The following FXYD3 variants were observed in gnomAD, a reference collection of about 807,000 sequenced individuals.
The protein encoded by FXYD3 is FXYD domain-containing ion transport regulator 3.
FXYD3 carries 13 observed loss-of-function variants against 19.2 expected under a neutral mutation model. The ratio of observed to expected loss-of-function variants is 0.68; its 90% CI spans 0.44 to 1.08. The LOEUF is 1.08. Among genes scored for constraint, FXYD3 ranks in the 50% least tolerant of loss-of-function variants. The pLI is 0.00. For missense variants in FXYD3, 101 were observed against 109.4 expected, an observed-to-expected ratio of 0.92 and a Z score of 0.34; for synonymous variants, 48 against 38.9, an observed-to-expected ratio of 1.23 and a Z score of -0.87.
intron 5 of FXYD3, chr19:35,121,902 C>T (rs2065051090): frequency 6.5e-6 from 1 of 153,318 alleles, no homozygotes; most frequent in African/African-American, 2.4e-5. Context: ...GTAATCATAG[C>T]TCACTGCAGC....
chr19:35,117,726 A>G (rs1226048151), intron 2 of FXYD3, among the ~76,000 whole-genome samples: 1 of 112,386 alleles, frequency 8.9e-6, no homozygotes, highest in African/African-American at 3.4e-5. Context: ...GGCCTCAGTA[A>G]TGCTCCCCAA....
intron 3 of FXYD3, among the ~76,000 whole-genome samples, chr19:35,120,345 G>C (rs1015163401): frequency 6.6e-6 from 1 of 152,044 alleles, no homozygotes; most frequent in Admixed American, 6.5e-5. Context: ...TCACCATATT[G>C]GCCAGGCTGG....
chr19:35,121,631 C>A, intron 5 of FXYD3: 2 of 911,092 alleles, frequency 2.2e-6, no homozygotes, highest in Non-Finnish European at 2.9e-6. Flanking sequence ...GCCCTCACCT[C>A]TCCACGCTCC....
At chr19:35,116,447 T>C (rs1007942133) in intron 2 of FXYD3, 88 bp downstream of exon 2, 5 of 985,270 alleles carry the variant, frequency 5.1e-6, no homozygotes, top group African/African-American at 1.7e-5. Flanking sequence ...CCCTGCCCCA[T>C]AGAAGCTTTT....
At chr19:35,117,244 C>A in intron 2 of FXYD3, 1 of 1,478,682 alleles carries the variant, frequency 6.8e-7, no homozygotes, top group South Asian at 1.4e-5. Flanking sequence ...TGGGACTGGA[C>A]GTTGTTTTGC....
At chr19:35,121,048 T>C (rs1407570338) in intron 3 of FXYD3, 30 bp from the exon 4 acceptor site, 1 of 1,611,628 alleles carries the variant, frequency 6.2e-7, no homozygotes, top group South Asian at 1.1e-5. Context: ...GGCATCACCA[T>C]CTCCCCTCCT....
At chr19:35,116,826 G>T (rs1344035826) in intron 2 of FXYD3, 2 of 985,302 alleles carry the variant, frequency 2.0e-6, no homozygotes, top group Non-Finnish European at 2.4e-6. Flanking sequence ...GTGGACTCGG[G>T]GTGTCCAGAC....
At position 35,123,789 on chromosome 19, in the gene FXYD3, C is replaced by T. The variant is rs1480266189; in HGVS notation, c.*332C>T. The T allele has an allele frequency of 9.2e-6, 4 of 437,032 alleles. No individual in the cohort carries two copies. The Middle Eastern group carries it at 1.9e-3, about 212-fold the overall frequency. The allele number at this position is 437,032 out of a possible 1,614,324, so 27.1% of individuals were successfully genotyped here. A position where few individuals can be genotyped will look rare whatever the true frequency, so the allele number is the denominator to read the frequency against. On this transcript the variant is annotated 3_prime_UTR_variant, in exon 9 of 9. Transcript: ENST00000604404. ...TTGGGAAAAGCCCACAGGCCTGTTC[C>T]CTTGTGGCTTGGGACATGGCACAGG...
intron 2 of FXYD3, among the ~76,000 whole-genome samples, chr19:35,117,757 C>CAAAAAAAAAGAAAAAAAAA (rs67977522): frequency 1.5e-5 from 1 of 65,716 alleles, no homozygotes; most frequent in Admixed American, 2.1e-4. Flanking sequence ...TTTCTTCCCG[C>CAAAAAAAAAGAAAAAAAAA]AAAAAAAGGA....
intron 3 of FXYD3, among the ~76,000 whole-genome samples, chr19:35,120,306 A>C (rs541452891): frequency 6.6e-6 from 1 of 152,084 alleles, no homozygotes; most frequent in Non-Finnish European, 1.5e-5. Flanking sequence ...TGCCTGGCTA[A>C]CTTTTGTATT....
chr19:35,122,951 C>A lies in FXYD3; in HGVS notation c.206C>A (p.Ser69Tyr). Residue 69 changes from serine to tyrosine, a missense_variant, in exon 7 of 9, where the codon TCC becomes TAC. Coordinates refer to ENST00000604404, the MANE Select transcript of FXYD3 (RefSeq NM_005971.4). ...TGCAAATGCAAGTTTGGCCAGAAGT[C>A]CGGGTAAGATACTGTTCCGGCATGC... ...AKCKCKFGQK[S>Y]GHHPGETPPL... The A allele has an allele frequency of 6.3e-7, 1 of 1,596,384 alleles. No individual in the cohort carries two copies. Among genetic ancestry groups the A allele is most frequent in the Non-Finnish European group, 8.5e-7 (1 of 1,170,266 alleles).
Position 35,121,122 on chromosome 19 carries a change from T to A in FXYD3, c.73+12T>A. 6.2e-7 allele frequency: 1 copy of A among 1,613,756 alleles called. No homozygotes were observed. The highest frequency in any genetic ancestry group is 8.5e-7 in the Non-Finnish European group (1 of 1,180,036). ...CAATGACCTAGAAGGTGAGTCAGAC[T>A]GGACTCTCACCCGTCACACCCCCAA... On this transcript the variant is annotated intron_variant, in intron 4 of 8. Transcript: ENST00000604404.
chr19:35,121,162 G>T (rs754708508), intron 4 of FXYD3, 52 bp downstream of exon 4: 1 of 1,614,118 alleles, frequency 6.2e-7, no homozygotes, highest in African/African-American at 1.3e-5. Context: ...TCCCCTGGGT[G>T]GGGAAGGCCT....
intron 4 of FXYD3, 40 bp from the exon 5 acceptor site, chr19:35,121,182 C>G (rs2145335990): frequency 6.2e-7 from 1 of 1,614,058 alleles, no homozygotes; most frequent in South Asian, 1.1e-5. Flanking sequence ...TGCATCCTGG[C>G]TGTAATCCTG....
intron 5 of FXYD3, chr19:35,121,606 C>CGG: frequency 8.1e-7 from 1 of 1,236,198 alleles, no homozygotes; most frequent in Non-Finnish European, 1.1e-6. Flanking sequence ...TGACCTGCTC[C>CGG]CTACTCCCCG....
rs75952829 is a variant in FXYD3 at position 35,120,799 on chromosome 19, C to T, written c.41-279C>T. Among the ~76,000 whole-genome samples the T allele has an allele frequency of 2.5e-3, 387 of 152,280 alleles. 2 individuals carry two copies. The highest frequency in any genetic ancestry group is 8.9e-3 in the African/African-American group (369 of 41,546). Reference sequence around the variant, plus strand: ...TGCTGCAGGAGGCATGGATTAACCACGTGTCTGGAAACATGAGACCAAATA... The same window carrying T: ...TGCTGCAGGAGGCATGGATTAACCATGTGTCTGGAAACATGAGACCAAATA... On this transcript the variant is annotated intron_variant, in intron 3 of 8. Transcript: ENST00000604404.
chr19:35,121,612 C>T (rs1419590214), intron 5 of FXYD3: 7 of 1,142,048 alleles, frequency 6.1e-6, no homozygotes, highest in Admixed American at 3.5e-5. Flanking sequence ...GCTCCCTACT[C>T]CCCGCTCTGC....
At chr19:35,119,657 T>TTTTTTGTTTTTGTTTTTG in intron 3 of FXYD3, 1 of 463,784 alleles carries the variant, frequency 2.2e-6, no homozygotes, top group Non-Finnish European at 3.7e-6. Context: ...TTTTTTGGCT[T>TTTTTTGTTTTTGTTTTTG]TTTTTGTTTT....
chr19:35,120,248 T>C (rs2065011293), intron 3 of FXYD3, among the ~76,000 whole-genome samples: 1 of 151,964 alleles, frequency 6.6e-6, no homozygotes, highest in Non-Finnish European at 1.5e-5. Flanking sequence ...CAAGCGACTC[T>C]CCTGCCTCAG....
Sources: gnomAD v4.1 joint callset for allele counts (sites outside exome capture counted in the v4.1 genomes callset) on GRCh38, gnomAD v4.1.1 for gene constraint, MANE v1.5 for transcripts, NCBI Gene and HGNC (gene_info 2026-07-23, HGNC 2026-07-21) for gene names.